Variants in MNAT1 observed in about 807,000 individuals in gnomAD.
MNAT1 encodes the protein CDK-activating kinase assembly factor MAT1.
MNAT1 carries 43 observed loss-of-function variants against 42.0 expected under a neutral mutation model. That is an observed-to-expected ratio of 1.02 (90% CI 0.80 to 1.32). The LOEUF is 1.32. Among genes scored for constraint, MNAT1 ranks in the 40% most tolerant of loss-of-function variants. The pLI, the probability that MNAT1 is intolerant of heterozygous loss-of-function variation, is 0.00. For synonymous variants in MNAT1, 118 were observed against 120.0 expected, an observed-to-expected ratio of 0.98 and a Z score of 0.11; for missense variants, 306 against 350.4, an observed-to-expected ratio of 0.87 and a Z score of 1.01.
chr14:60,824,639 G>T (rs1005659761), intron 6 of MNAT1, among the ~76,000 whole-genome samples: 2 of 152,160 alleles, frequency 1.3e-5, no homozygotes, highest in African/African-American at 2.4e-5. Flanking sequence ...GTAAGATATT[G>T]CTTTACTCTT....
intron 6 of MNAT1, 27 bp downstream of exon 6, chr14:60,818,874 G>T: frequency 6.2e-7 from 1 of 1,602,196 alleles, no homozygotes; most frequent in South Asian, 1.1e-5. Context: ...TTGCTTGTTT[G>T]AAAGATATTT....
chr14:60,827,089 T>C (rs1334005824), intron 6 of MNAT1, among the ~76,000 whole-genome samples: 2 of 152,196 alleles, frequency 1.3e-5, no homozygotes, highest in East Asian at 3.8e-4. Flanking sequence ...CCTATGGATG[T>C]CAAAAGATAA....
chr14:60,901,403 CACA>C (rs2035070295), intron 7 of MNAT1, among the ~76,000 whole-genome samples: 1 of 152,190 alleles, frequency 6.6e-6, no homozygotes, highest in South Asian at 2.1e-4. Flanking sequence ...TGACTGCTAG[CACA>C]ACATCCATTC....
chr14:60,875,532 A>G (rs1391084223), intron 6 of MNAT1, among the ~76,000 whole-genome samples: 1 of 152,152 alleles, frequency 6.6e-6, no homozygotes, highest in Non-Finnish European at 1.5e-5. Context: ...ATTAAGTACC[A>G]TTAATAGTAC....
chr14:60,769,766 C>T (rs929363313), intron 1 of MNAT1, among the ~76,000 whole-genome samples: 1 of 152,128 alleles, frequency 6.6e-6, no homozygotes, highest in Non-Finnish European at 1.5e-5. Flanking sequence ...ATGATCCTCC[C>T]GTCTCAGCCT....
intron 6 of MNAT1, among the ~76,000 whole-genome samples, chr14:60,867,580 A>G (rs1247218238): frequency 1.3e-5 from 2 of 152,046 alleles, no homozygotes; most frequent in Non-Finnish European, 2.9e-5. Context: ...TTTCTTTAGT[A>G]TATGTAGAAT....
intron 1 of MNAT1, among the ~76,000 whole-genome samples, chr14:60,747,224 TCTGC>T (rs778666276): frequency 3.9e-5 from 6 of 151,932 alleles, no homozygotes; most frequent in Non-Finnish European, 2.9e-5. Flanking sequence ...GACCTTGTGA[TCTGC>T]CCGCCCTGGC....
chr14:60,775,448 G>A (rs2031213846), intron 1 of MNAT1, among the ~76,000 whole-genome samples: 1 of 152,110 alleles, frequency 6.6e-6, no homozygotes, highest in South Asian at 2.1e-4. Context: ...ATGGGAATGG[G>A]GAAATTGGGT....
chr14:60,846,528 T>C (rs1305366969), intron 6 of MNAT1, among the ~76,000 whole-genome samples: 1 of 152,194 alleles, frequency 6.6e-6, no homozygotes, highest in Admixed American at 6.5e-5. Context: ...GTCTTTCTTC[T>C]TTTCTAAAAA....
chr14:60,740,417 G>A lies in MNAT1; in HGVS notation c.89+5466G>A, dbSNP rs572709831. On this transcript the variant is annotated intron_variant, in intron 1 of 7. Transcript: ENST00000261245. This position sits in a 1 kb window ranked among gnomAD's most constrained non-coding sequence, Gnocchi z 4.1. ...CTGGATAGTTTATCCTGAAGAGTCC[G>A]AATTTTGCTTATTGCATCTCTGTGA... Among the ~76,000 whole-genome samples, 5 of 151,784 alleles carry A rather than the reference G, an allele frequency of 3.3e-5. No homozygotes were observed. The highest frequency in any genetic ancestry group is 9.7e-5 in the African/African-American group (4 of 41,352).
At chr14:60,905,982 C>T (rs189434204) in intron 7 of MNAT1, among the ~76,000 whole-genome samples, 24 of 152,238 alleles carry the variant, frequency 1.6e-4, no homozygotes, top group South Asian at 4.1e-4. Context: ...ACTTTGAAGA[C>T]AAATAAAGGA....
intron 7 of MNAT1, among the ~76,000 whole-genome samples, chr14:60,946,365 CT>C (rs141225041): frequency 2.0e-5 from 3 of 152,266 alleles, no homozygotes; most frequent in African/African-American, 7.2e-5. Flanking sequence ...TTGGCTTTTA[CT>C]TAGAATCTGA....
intron 7 of MNAT1, among the ~76,000 whole-genome samples, chr14:60,960,284 G>T (rs535504920): frequency 6.6e-6 from 1 of 152,286 alleles, no homozygotes; most frequent in East Asian, 1.9e-4. Flanking sequence ...GGGGATAGCA[G>T]GGGATAGCTG....
At chr14:60,813,287 C>A (rs2032612419) in intron 5 of MNAT1, among the ~76,000 whole-genome samples, 1 of 152,186 alleles carries the variant, frequency 6.6e-6, no homozygotes, top group Non-Finnish European at 1.5e-5. Flanking sequence ...TGTATTGGTG[C>A]TTGGAGCAGC....
chr14:60,927,760 A>G (rs1476227362), intron 7 of MNAT1, among the ~76,000 whole-genome samples: 1 of 152,158 alleles, frequency 6.6e-6, no homozygotes, highest in East Asian at 1.9e-4. Flanking sequence ...CTGTGGACAC[A>G]GGGAAGGTCA....
chr14:60,797,520 C>T (rs1787471919), intron 2 of MNAT1, among the ~76,000 whole-genome samples: 3 of 152,094 alleles, frequency 2.0e-5, no homozygotes, highest in Admixed American at 1.3e-4. Flanking sequence ...TCCCTGAAGT[C>T]TTAACAAGGA....
intron 1 of MNAT1, among the ~76,000 whole-genome samples, chr14:60,782,450 T>C (rs988590503): frequency 6.6e-6 from 1 of 152,166 alleles, no homozygotes; most frequent in African/African-American, 2.4e-5. Flanking sequence ...GTCATCCTTC[T>C]TTCATATTTC....
At chr14:60,890,257 T>C (rs979841981) in intron 7 of MNAT1, among the ~76,000 whole-genome samples, 7 of 151,974 alleles carry the variant, frequency 4.6e-5, no homozygotes, top group Admixed American at 2.6e-4. Context: ...TACACCATGA[T>C]TTGCATTTGT....
chr14:60,819,890 A>G (rs1306500547), intron 6 of MNAT1, among the ~76,000 whole-genome samples: 1 of 152,192 alleles, frequency 6.6e-6, no homozygotes, highest in Non-Finnish European at 1.5e-5. Context: ...AACAAAGTAC[A>G]CAGTATAGTA....
Sources: gnomAD v4.1 joint callset for allele counts (sites outside exome capture counted in the v4.1 genomes callset) on GRCh38, gnomAD v4.1.1 for gene constraint, Gnocchi (gnomAD v3.1) non-coding constraint, MANE v1.5 for transcripts, NCBI Gene and HGNC (gene_info 2026-07-23, HGNC 2026-07-21) for gene names.